Variants in CEP68 observed in about 807,000 individuals in gnomAD.
CEP68 encodes centrosomal protein 68, also known as centrosomal protein of 68 kDa.
In CEP68, 26 loss-of-function variants were observed where a neutral mutation model predicts 55.3. The ratio of observed to expected loss-of-function variants is 0.47; its 90% CI spans 0.34 to 0.65. CEP68 has a LOEUF of 0.65. CEP68 is among the 30% of genes least tolerant of loss of function. The pLI, the probability that CEP68 is intolerant of heterozygous loss-of-function variation, is 0.01. For synonymous variants in CEP68, 402 were observed against 383.2 expected (o/e 1.05, Z -0.57); for missense variants, 957 against 946.7 (o/e 1.01, Z -0.14).
chr2:65,080,114 C>T (rs1676940103), intron 5 of CEP68, among the ~76,000 whole-genome samples: 3 of 149,906 alleles, frequency 2.0e-5, no homozygotes, highest in Admixed American at 2.0e-4. Context: ...GCCTGGGCAA[C>T]AAGAGCGAAA....
At chr2:65,073,815 A>G (rs1407241687) in intron 3 of CEP68, 1 of 165,834 alleles carries the variant, frequency 6.0e-6, no homozygotes, top group Non-Finnish European at 1.3e-5. Flanking sequence ...TAGGTAGGAC[A>G]CGTTATCATG....
In CEP68 at chr2:65,069,646, A is replaced by C; in HGVS notation, c.202A>C (p.Ile68Leu). 1 of 1,614,014 alleles carries C rather than the reference A, an allele frequency of 6.2e-7. No individual in the cohort carries two copies. ...AEGIPAPTCW[I>L]GTDPGGPSRA... ...AGGGATACCTGCCCCTACTTGCTGG[A>C]TTGGGACTGACCCTGGCGGCCCCTC... The change falls in exon 2 of 7, where the codon ATT becomes CTT. Residue 68 changes from isoleucine to leucine, a missense_variant. Ile to Leu is a conservative substitution (Grantham distance 5). Coordinates refer to ENST00000377990, the MANE Select transcript of CEP68 (RefSeq NM_015147.3).
At position 65,073,041 on chromosome 2, in the gene CEP68, A is replaced by G. The variant is rs754501954; in HGVS notation, c.1884+61A>G. ...GGTGTCTTGTCTCTTCCCCCAATCC[A>G]CTAACATCATAATAAAACATGTTCA... On this transcript the variant is annotated intron_variant, in intron 3 of 6. Coordinates refer to ENST00000377990, the MANE Select transcript of CEP68 (RefSeq NM_015147.3). 3.2e-6 allele frequency: 5 copies of G among 1,553,676 alleles called. No individual in the cohort carries two copies. The South Asian group carries it at 4.5e-5, about 14-fold the overall frequency.
chr2:65,075,904 T>A (rs2103787326), intron 4 of CEP68, among the ~76,000 whole-genome samples: 1 of 152,224 alleles, frequency 6.6e-6, no homozygotes. Flanking sequence ...CCTGGGACCG[T>A]ACTCCAGCTA....
chr2:65,078,422 GTA>G (rs1419459652), intron 5 of CEP68, among the ~76,000 whole-genome samples: 1 of 152,182 alleles, frequency 6.6e-6, no homozygotes, highest in African/African-American at 2.4e-5. Context: ...GAAAAGGATT[GTA>G]TTGCTCAAAA....
chr2:65,059,125 A>C (rs1675792482), intron 1 of CEP68, among the ~76,000 whole-genome samples: 1 of 152,156 alleles, frequency 6.6e-6, no homozygotes, highest in African/African-American at 2.4e-5. Flanking sequence ...TTATAACTTA[A>C]ATCTGTTCTC....
In CEP68 at chr2:65,072,546, G is replaced by A. The variant is rs995047975; in HGVS notation, c.1450G>A (p.Ala484Thr). Residue 484 changes from alanine (A) to threonine (T), a missense_variant, in exon 3 of 7, where the codon GCC becomes ACC. Physicochemically the swap from Ala to Thr is moderately conservative, Grantham distance 58. Coordinates refer to ENST00000377990, the MANE Select transcript of CEP68 (RefSeq NM_015147.3). ...EEVESDDEYL[A>T]LPARLTQVSS... ...AGTGGAAAGTGATGACGAGTATCTTGCCCTCCCCGCTCGGCTGACACAGGT... is the reference window on the plus strand; with the variant it reads ...AGTGGAAAGTGATGACGAGTATCTTACCCTCCCCGCTCGGCTGACACAGGT... The A allele has an allele frequency of 6.2e-7, 1 of 1,614,100 alleles. No homozygotes were observed. Among genetic ancestry groups the A allele is most frequent in the Non-Finnish European group, 8.5e-7 (1 of 1,180,012 alleles).
intron 4 of CEP68, among the ~76,000 whole-genome samples, chr2:65,075,598 C>T (rs956513578): frequency 1.3e-5 from 2 of 152,188 alleles, no homozygotes; most frequent in Non-Finnish European, 2.9e-5. Flanking sequence ...AATAGGTCCC[C>T]TTTCAGTCTC....
chr2:65,069,770 C>G lies in CEP68; in HGVS notation c.326C>G (p.Ser109Cys). The G allele has an allele frequency of 1.2e-6, 2 of 1,614,068 alleles. No individual in the cohort carries two copies. Among genetic ancestry groups the G allele is most frequent in the African/African-American group, 1.3e-5 (1 of 75,056 alleles). Residue 109 changes from serine to cysteine, a missense_variant, in exon 2 of 7, where the codon TCT (serine) becomes TGT (cysteine). Ser to Cys is a moderately radical substitution (Grantham distance 112). Transcript: ENST00000377990. ...LSGLPPATMG[S>C]GDLLLSGESQ... ...GGCCTGCCTCCTGCCACCATGGGGT[C>G]TGGAGACCTTCTGCTCTCCGGGGAA... is the stretch of plus-strand genomic sequence containing the variant.
chr2:65,079,595 G>A (rs1676915860), intron 5 of CEP68, among the ~76,000 whole-genome samples: 1 of 152,200 alleles, frequency 6.6e-6, no homozygotes, highest in African/African-American at 2.4e-5. Context: ...TATTGGGGCA[G>A]AAATTCCATG....
intron 3 of CEP68, 98 bp from the exon 4 acceptor site, chr2:65,074,184 C>A: frequency 2.8e-6 from 4 of 1,436,856 alleles, no homozygotes; most frequent in East Asian, 2.3e-5. Context: ...TGAAGGTGCA[C>A]AGTCTGTCTC....
intron 1 of CEP68, among the ~76,000 whole-genome samples, chr2:65,066,114 C>T (rs1676152458): frequency 6.6e-6 from 1 of 152,106 alleles, no homozygotes; most frequent in African/African-American, 2.4e-5. Flanking sequence ...CACTCATCTA[C>T]CCACACTCAG....
chr2:65,081,160 G>A (rs561818456), intron 5 of CEP68, among the ~76,000 whole-genome samples: 64 of 151,090 alleles, frequency 4.2e-4, no homozygotes, highest in Non-Finnish European at 5.9e-4. Context: ...TTAGTGAGCC[G>A]AGATTTGTGC....
Position 65,070,239 on chromosome 2 carries a change from A to G in CEP68, c.357+438A>G, listed in dbSNP as rs554813428. ...CCTCTTCAGACCCAAGGGACATGTC[A>G]GAACCTTGGAGCCCTGTAGTAGGCA... On this transcript the variant is annotated intron_variant, in intron 2 of 6. Coordinates refer to ENST00000377990, the MANE Select transcript of CEP68 (RefSeq NM_015147.3). Among the ~76,000 whole-genome samples, 12 of 152,288 alleles carry G rather than the reference A, an allele frequency of 7.9e-5. No individual in the cohort carries two copies. The South Asian group carries it at 2.5e-3, about 32-fold the overall frequency.
chr2:65,056,649 G>A (rs1346520521), intron 1 of CEP68, 121 bp downstream of exon 1: 1 of 152,072 alleles, frequency 6.6e-6, no homozygotes, highest in East Asian at 1.9e-4. Context: ...GGTGCCTGCG[G>A]GGCCCTTGCG....
chr2:65,066,104 C>A (rs1297064506), intron 1 of CEP68, among the ~76,000 whole-genome samples: 1 of 152,130 alleles, frequency 6.6e-6, no homozygotes, highest in Non-Finnish European at 1.5e-5. Context: ...AGGGCACGCT[C>A]ACTCATCTAC....
intron 5 of CEP68, among the ~76,000 whole-genome samples, chr2:65,079,116 T>C (rs1347343572): frequency 6.6e-6 from 1 of 151,894 alleles, no homozygotes; most frequent in Non-Finnish European, 1.5e-5. Context: ...CATTTTTGAG[T>C]GAGATGGGAT....
chr2:65,086,518 C>T lies in CEP68; in HGVS notation c.*2884C>T, dbSNP rs1669031921. ...ATCTTTACTGCCATGGGGAAAAGAA[C>T]GCTGGAATTTTCCAAACTTAAGTCT... On this transcript the variant is annotated 3_prime_UTR_variant, in exon 7 of 7. Coordinates refer to ENST00000377990, the MANE Select transcript of CEP68 (RefSeq NM_015147.3). 1.3e-5 allele frequency: 2 copies of T among 152,074 alleles called. No individual in the cohort carries two copies. Among genetic ancestry groups the T allele is most frequent in the South Asian group, 2.1e-4 (1 of 4,832 alleles). 9.4% of individuals were successfully genotyped at this position (152,074 alleles called of 1,614,324 possible).
In CEP68 at chr2:65,058,506, T is replaced by TA. The variant is rs1296516087; in HGVS notation, c.-47+1978_-47+1979insA. 2.7e-4 allele frequency among the ~76,000 whole-genome samples: 37 copies of TA among 135,358 alleles called. 1 individual carries two copies. The highest frequency in any genetic ancestry group is 9.3e-4 in the African/African-American group (33 of 35,454). The allele number at this position is 135,358 out of a possible 152,430, so 88.8% of individuals were successfully genotyped here. On this transcript the variant is annotated intron_variant, in intron 1 of 6. Transcript: ENST00000377990. ...ATGGCTGATTTTTTTCCTTTTTTTT[T>TA]TTTTTTTTTTTTTTTTTGAGAGGGA...
Sources: allele counts gnomAD v4.1 joint callset (sites outside exome capture counted in the v4.1 genomes callset), GRCh38; gene constraint gnomAD v4.1.1; transcripts MANE v1.5; gene names NCBI Gene and HGNC (gene_info 2026-07-23, HGNC 2026-07-21).